The following AK7 variants were observed in gnomAD, a reference collection of about 807,000 sequenced individuals.
AK7 encodes the protein adenylate kinase 7, also known as ATP-AMP transphosphorylase 7.
In AK7, 78 loss-of-function variants were observed where a neutral mutation model predicts 96.6. The observed-to-expected ratio is 0.81, with a 90% CI of 0.67 to 0.97. The LOEUF is 0.97. Ranked by LOEUF, AK7 falls within the 50% of genes least tolerant of loss-of-function variation. The pLI, the probability that AK7 is intolerant of heterozygous loss-of-function variation, is 0.00. For synonymous variants in AK7, 302 were observed against 317.2 expected, an observed-to-expected ratio of 0.95 and a Z score of 0.51; for missense variants, 855 against 887.9, an observed-to-expected ratio of 0.96 and a Z score of 0.47.
chr14:96,395,099 A>G (rs1889991746), intron 1 of AK7, among the ~76,000 whole-genome samples: 1 of 152,204 alleles, frequency 6.6e-6, no homozygotes, highest in African/African-American at 2.4e-5. Flanking sequence ...TCCTGGGCTC[A>G]AGTGATCTTC....
intron 16 of AK7, 26 bp downstream of exon 16, chr14:96,483,245 C>G (rs1595470147): frequency 6.4e-7 from 1 of 1,564,142 alleles, no homozygotes. Context: ...GTTTGTGAGT[C>G]TGTGTATCTG....
chr14:96,470,026 C>G (rs758904546), intron 12 of AK7, among the ~76,000 whole-genome samples: 1 of 152,094 alleles, frequency 6.6e-6, no homozygotes, highest in African/African-American at 2.4e-5. Flanking sequence ...CCATGTTGGT[C>G]AGGCTGGTCT....
intron 16 of AK7, among the ~76,000 whole-genome samples, chr14:96,483,439 T>C (rs1895615385): frequency 6.6e-6 from 1 of 152,142 alleles, no homozygotes; most frequent in Non-Finnish European, 1.5e-5. Flanking sequence ...TCTTTTTGTT[T>C]GAGACAGGGT....
chr14:96,483,368 A>G, intron 16 of AK7, 149 bp downstream of exon 16: 1 of 781,202 alleles, frequency 1.3e-6, no homozygotes. Context: ...GCTTTTTGTC[A>G]TTTGTACCAT....
chr14:96,464,231 A>G (rs542139971), intron 12 of AK7, among the ~76,000 whole-genome samples: 1 of 152,170 alleles, frequency 6.6e-6, no homozygotes, highest in Admixed American at 6.5e-5. Context: ...AGGCCATACT[A>G]TAAACAGTGC....
chr14:96,393,840 G>T (rs1253489736), intron 1 of AK7, among the ~76,000 whole-genome samples: 1 of 152,088 alleles, frequency 6.6e-6, no homozygotes, highest in Non-Finnish European at 1.5e-5. Flanking sequence ...GAGATTTAGG[G>T]TGGGCGTGGT....
chr14:96,472,986 G>A (rs898928807), intron 14 of AK7, among the ~76,000 whole-genome samples: 1 of 152,024 alleles, frequency 6.6e-6, no homozygotes, highest in African/African-American at 2.4e-5. Flanking sequence ...GGAGGCTAAG[G>A]CAGGAGAATC....
intron 5 of AK7, chr14:96,421,709 C>A (rs1891707977): frequency 6.6e-6 from 1 of 151,180 alleles, no homozygotes; most frequent in African/African-American, 2.4e-5. Flanking sequence ...GGGTTCAAAT[C>A]ATTCTCCTGC....
chr14:96,398,813 C>G (rs190687085), intron 2 of AK7: 2 of 160,018 alleles, frequency 1.2e-5, no homozygotes, highest in Admixed American at 1.2e-4. Context: ...AATGCTGTCT[C>G]CACGTGACAA....
At chr14:96,410,416 A>G (rs1890965683) in intron 4 of AK7, among the ~76,000 whole-genome samples, 3 of 152,224 alleles carry the variant, frequency 2.0e-5, no homozygotes, top group South Asian at 4.1e-4. Context: ...AAGTTCAACA[A>G]CGGACTTCAG....
rs554528303 is a variant in AK7, at chr14:96,410,570, T to C, written c.498+1629T>C. On this transcript the variant is annotated intron_variant, in intron 4 of 17. Transcript: ENST00000267584. ...GAATGGACTGAGAATGGAGAAGAGA[T>C]GGTTCCCCAAAGAAAACATGGAGCA... 3.9e-5 allele frequency among the ~76,000 whole-genome samples: 6 copies of C among 152,342 alleles called. 1 individual carries two copies. The East Asian group carries it at 1.2e-3, about 29-fold the overall frequency.
rs1890295611 is a variant in AK7, at chr14:96,399,740, CACTG to C, written c.294+1481_294+1484del. 6.6e-6 allele frequency among the ~76,000 whole-genome samples: 1 copy of C among 152,210 alleles called. No homozygotes were observed. Among genetic ancestry groups the C allele is most frequent in the Non-Finnish European group, 1.5e-5 (1 of 68,034 alleles). ...CTTCCCTTCTTGTGCCTCGGCTCTG[CACTG>C]ACTAAGCGCCCAAGTCCTCCTTCCC... On this transcript the variant is annotated intron_variant, in intron 2 of 17. Transcript: ENST00000267584. This position sits in a 1 kb window ranked among gnomAD's most constrained non-coding sequence, Gnocchi z 4.1.
At chr14:96,473,387 G>A (rs1895007136) in intron 14 of AK7, among the ~76,000 whole-genome samples, 1 of 151,348 alleles carries the variant, frequency 6.6e-6, no homozygotes, top group Admixed American at 6.6e-5. Flanking sequence ...TAGCCAGGAT[G>A]GTCTCGATCT....
intron 3 of AK7, among the ~76,000 whole-genome samples, chr14:96,407,580 CTTT>C (rs11364736): frequency 3.3e-5 from 2 of 60,348 alleles, no homozygotes; most frequent in Non-Finnish European, 7.5e-5. Flanking sequence ...TCTTTCTTTT[CTTT>C]TTTTTTTTTT....
intron 3 of AK7, among the ~76,000 whole-genome samples, chr14:96,407,935 CA>C (rs1890817905): frequency 6.6e-6 from 1 of 152,134 alleles, no homozygotes. Context: ...ATCCCTTAGC[CA>C]AATACATTCA....
chr14:96,426,286 A>G (rs536161628), intron 5 of AK7, among the ~76,000 whole-genome samples: 2 of 152,214 alleles, frequency 1.3e-5, no homozygotes, highest in Non-Finnish European at 2.9e-5. Context: ...AGAAACCAGC[A>G]AAAAGAAAAC....
At chr14:96,397,059 T>TGCA (rs1345156137) in intron 1 of AK7, among the ~76,000 whole-genome samples, 2 of 152,146 alleles carry the variant, frequency 1.3e-5, no homozygotes, top group East Asian at 3.9e-4. Flanking sequence ...CTTGCACCAC[T>TGCA]GCACTCCAGC....
chr14:96,403,758 C>T (rs902205223), intron 2 of AK7, among the ~76,000 whole-genome samples: 9 of 152,088 alleles, frequency 5.9e-5, no homozygotes, highest in East Asian at 3.9e-4. Context: ...TTTGGAAATG[C>T]GGGGTCCTTT....
chr14:96,457,667 C>T (rs1217629994), intron 11 of AK7, among the ~76,000 whole-genome samples: 3 of 151,824 alleles, frequency 2.0e-5, no homozygotes, highest in African/African-American at 4.8e-5. Context: ...GTATGTTTCT[C>T]GGGGTATTAT....
Sources: allele counts gnomAD v4.1 joint callset (sites outside exome capture counted in the v4.1 genomes callset), GRCh38; gene constraint gnomAD v4.1.1; non-coding constraint Gnocchi (gnomAD v3.1); transcripts MANE v1.5; gene names NCBI Gene and HGNC (gene_info 2026-07-23, HGNC 2026-07-21).